HECW2: variants seen among roughly 807,000 people sequenced by gnomAD.
The protein encoded by HECW2 is E3 ubiquitin-protein ligase HECW2.
A neutral mutation model predicts 175.2 loss-of-function variants in HECW2; 61 were observed. That is an observed-to-expected ratio of 0.35 (90% CI 0.28 to 0.43). The LOEUF is 0.43. Among genes scored for constraint, HECW2 ranks in the 20% least tolerant of loss-of-function variants. The probability of loss-of-function intolerance (pLI) is 1.00; values close to 1 mark genes in which losing one functional copy is unlikely to be tolerated. For synonymous variants in HECW2, 671 were observed against 731.0 expected (o/e 0.92, Z 1.32); for missense variants, 1,524 against 2,000.5 (o/e 0.76, Z 4.54).
chr2:196,540,990 A>G (rs781581357), intron 1 of HECW2, among the ~76,000 whole-genome samples: 1 of 152,176 alleles, frequency 6.6e-6, no homozygotes, highest in Non-Finnish European at 1.5e-5. Context: ...CCATCCATCA[A>G]TGTGCCCTTC....
intron 14 of HECW2, chr2:196,291,643 T>C (rs183407461): frequency 2.2e-4 from 33 of 152,336 alleles, no homozygotes; most frequent in African/African-American, 7.9e-4. Context: ...CAGAGCATAA[T>C]GTCATGGTTA....
At chr2:196,333,655 C>G (rs1692448348) in intron 4 of HECW2, among the ~76,000 whole-genome samples, 1 of 152,154 alleles carries the variant, frequency 6.6e-6, no homozygotes, top group Non-Finnish European at 1.5e-5. Flanking sequence ...AGAATCTCCC[C>G]AAACCATCTG....
At chr2:196,565,618 T>C (rs1191623606) in intron 1 of HECW2, among the ~76,000 whole-genome samples, 1 of 152,196 alleles carries the variant, frequency 6.6e-6, no homozygotes, top group African/African-American at 2.4e-5. Context: ...CTAGTCACTT[T>C]TCATCTTTGC....
intron 1 of HECW2, among the ~76,000 whole-genome samples, chr2:196,573,476 C>G (rs908376843): frequency 6.6e-6 from 1 of 152,020 alleles, no homozygotes; most frequent in African/African-American, 2.4e-5. Context: ...TGGAAAACAG[C>G]ACTCTGGCAG....
chr2:196,383,392 G>T (rs927350663), intron 2 of HECW2, among the ~76,000 whole-genome samples: 1 of 152,170 alleles, frequency 6.6e-6, no homozygotes, highest in African/African-American at 2.4e-5. Flanking sequence ...GGTATTGGCT[G>T]AATCCATGGA....
intron 1 of HECW2, among the ~76,000 whole-genome samples, chr2:196,474,576 A>G (rs1686477044): frequency 6.6e-6 from 1 of 152,244 alleles, no homozygotes; most frequent in African/African-American, 2.4e-5. Flanking sequence ...TAAAGGTCAC[A>G]GGCCTTTAGT....
intron 1 of HECW2, among the ~76,000 whole-genome samples, chr2:196,586,101 T>C (rs546807311): frequency 6.6e-6 from 1 of 152,324 alleles, no homozygotes; most frequent in African/African-American, 2.4e-5. Context: ...TGAGCTCTTA[T>C]TCTTCTAGCA....
At chr2:196,366,239 T>C (rs2105893513) in intron 2 of HECW2, among the ~76,000 whole-genome samples, 1 of 152,308 alleles carries the variant, frequency 6.6e-6, no homozygotes, top group South Asian at 2.1e-4. Flanking sequence ...ATTTGTGTGG[T>C]ACAATGAGTT....
At chr2:196,240,415 T>C (rs1286769162) in intron 21 of HECW2, 34 bp downstream of exon 21, 1 of 1,465,186 alleles carries the variant, frequency 6.8e-7, no homozygotes. Context: ...GGCCACAGCC[T>C]ATGTTCCACA....
In HECW2 at chr2:196,222,200, G is replaced by C. The variant is rs375314818; in HGVS notation, c.4146+11C>G. On this transcript the variant is annotated intron_variant, in intron 24 of 28. Transcript: ENST00000644978. ...ACCACACTTAGGCGCCAGGTGTGCA[G>C]ATACACACACCTGCCCAAATACTTC... is the stretch of plus-strand genomic sequence containing the variant. 26 of 1,611,418 alleles carry C rather than the reference G, an allele frequency of 1.6e-5. No homozygotes were observed. The highest frequency in any genetic ancestry group is 2.2e-5 in the Non-Finnish European group (26 of 1,178,680).
intron 19 of HECW2, among the ~76,000 whole-genome samples, chr2:196,249,629 A>C (rs918245807): frequency 6.6e-5 from 10 of 152,236 alleles, no homozygotes; most frequent in African/African-American, 2.4e-4. Context: ...TGTTGCTTTC[A>C]CAAAACCTTC....
chr2:196,592,208 A>T (rs1007118113), intron 1 of HECW2, among the ~76,000 whole-genome samples: 4 of 152,190 alleles, frequency 2.6e-5, no homozygotes, highest in Non-Finnish European at 5.9e-5. Context: ...CAGAAATCAT[A>T]ACCCAAAAGC....
intron 2 of HECW2, among the ~76,000 whole-genome samples, chr2:196,396,423 T>C (rs941340441): frequency 4.6e-5 from 7 of 152,162 alleles, no homozygotes; most frequent in African/African-American, 1.2e-4. Flanking sequence ...AATTATCACA[T>C]AGAGAAAAGT....
chr2:196,329,517 T>G, intron 5 of HECW2, 58 bp downstream of exon 5: 1 of 1,393,712 alleles, frequency 7.2e-7, no homozygotes, highest in Non-Finnish European at 1.0e-6. Flanking sequence ...AAGTGACTAT[T>G]CATACCTTCG....
intron 2 of HECW2, among the ~76,000 whole-genome samples, chr2:196,394,966 T>TC (rs1476767275): frequency 6.6e-6 from 1 of 152,186 alleles, no homozygotes; most frequent in African/African-American, 2.4e-5. Flanking sequence ...AGGGCCTGCT[T>TC]CCTCATAAAT....
Position 196,433,147 on chromosome 2 carries a change from C to A in HECW2, c.277G>T (p.Gly93Ter). Reference sequence around the variant, plus strand: ...CTTGACTCACCTATATGATAAAGTCCAATCCAATCACTGGGGTCCACCTCC... The same window carrying A: ...CTTGACTCACCTATATGATAAAGTCAAATCCAATCACTGGGGTCCACCTCC... ...KEEVDPSDWI[G>*]LYHIDENSPA... is the part of the protein sequence containing the mutation. Residue 93 changes from glycine (G) to a stop codon, truncating the protein, a stop_gained, in exon 2 of 29, where the codon GGA becomes TGA. Transcript: ENST00000644978. LOFTEE classifies it high-confidence loss of function. The A allele has an allele frequency of 6.2e-7, 1 of 1,612,212 alleles. No individual in the cohort carries two copies. The highest frequency in any genetic ancestry group is 8.5e-7 in the Non-Finnish European group (1 of 1,178,732).
intron 1 of HECW2, among the ~76,000 whole-genome samples, chr2:196,565,177 T>C (rs973927922): frequency 2.0e-5 from 3 of 152,058 alleles, no homozygotes; most frequent in Non-Finnish European, 4.4e-5. Flanking sequence ...CATCTAAACA[T>C]CATCTTTAAC....
chr2:196,343,537 G>T, intron 3 of HECW2, 120 bp downstream of exon 3: 1 of 667,126 alleles, frequency 1.5e-6, no homozygotes, highest in Non-Finnish European at 2.6e-6. Flanking sequence ...TTCCATCATG[G>T]CATAAATATG....
At chr2:196,466,903 T>G (rs1163559469) in intron 1 of HECW2, among the ~76,000 whole-genome samples, 2 of 152,222 alleles carry the variant, frequency 1.3e-5, no homozygotes, top group Non-Finnish European at 2.9e-5. Flanking sequence ...TCAAATTTTG[T>G]TGACTCCTCG....
Sources: allele counts gnomAD v4.1 joint callset (sites outside exome capture counted in the v4.1 genomes callset), GRCh38; gene constraint gnomAD v4.1.1; transcripts MANE v1.5; gene names NCBI Gene and HGNC (gene_info 2026-07-23, HGNC 2026-07-21).